MPP7: variants seen among roughly 807,000 people sequenced by gnomAD.
MPP7 encodes the protein MAGUK p55 subfamily member 7.
Under a neutral mutation model 76.5 loss-of-function variants are expected in MPP7, and 60 were observed. That is an observed-to-expected ratio of 0.78 (90% CI 0.64 to 0.97). The LOEUF is 0.97. Ranked by LOEUF, MPP7 falls within the 50% of genes least tolerant of loss-of-function variation. MPP7 has a pLI of 0.00. For missense variants in MPP7, 641 were observed against 694.0 expected (o/e 0.92, Z 0.86); for synonymous variants, 237 against 244.5 (o/e 0.97, Z 0.29).
intron 3 of MPP7, among the ~76,000 whole-genome samples, chr10:28,194,278 T>G (rs1408874408): frequency 6.6e-6 from 1 of 152,110 alleles, no homozygotes; most frequent in South Asian, 2.1e-4. Context: ...CCTCCCAAAG[T>G]GCTGGGATTA....
intron 11 of MPP7, among the ~76,000 whole-genome samples, chr10:28,099,791 G>C (rs1233393587): frequency 1.3e-5 from 2 of 150,996 alleles, no homozygotes; most frequent in Non-Finnish European, 2.9e-5. Flanking sequence ...TGGGCAACAA[G>C]AGTGAAACTC....
At chr10:28,121,153 A>G (rs1007812688) in intron 8 of MPP7, among the ~76,000 whole-genome samples, 3 of 152,134 alleles carry the variant, frequency 2.0e-5, no homozygotes. Flanking sequence ...AAAAAATTTT[A>G]AAAATTAGCC....
At chr10:28,205,784 G>A (rs756533729) in intron 2 of MPP7, among the ~76,000 whole-genome samples, 7 of 152,188 alleles carry the variant, frequency 4.6e-5, no homozygotes, top group Non-Finnish European at 1.0e-4. Flanking sequence ...AAACACTTGA[G>A]TTAGGTCTTT....
upstream of MPP7, among the ~76,000 whole-genome samples, chr10:28,307,292 C>G (rs1190919359): frequency 6.6e-6 from 1 of 152,126 alleles, no homozygotes; most frequent in Admixed American, 6.5e-5. Context: ...AGTTGGCTTC[C>G]AGACACCCAG....
rs553611500 is a variant in MPP7 at position 28,142,180 on chromosome 10, C to G, written c.315+5303G>C. Reference sequence around the variant, plus strand: ...TAAAGAAAAAGAATGCCAAATTCTACTATATAAAAGTACATATTTCTACCC... The same window carrying G: ...TAAAGAAAAAGAATGCCAAATTCTAGTATATAAAAGTACATATTTCTACCC... On this transcript the variant is annotated intron_variant, in intron 5 of 16. Coordinates refer to ENST00000683449, the MANE Select transcript of MPP7 (RefSeq NM_001318170.2). Among the ~76,000 whole-genome samples, 16 of 152,120 alleles carry G rather than the reference C, an allele frequency of 1.1e-4. No individual in the cohort carries two copies. The South Asian group carries it at 3.3e-3, about 32-fold the overall frequency.
chr10:28,308,916 A>G (rs1841273946), intron 2 of MPP7, among the ~76,000 whole-genome samples: 1 of 130,436 alleles, frequency 7.7e-6, no homozygotes, highest in Admixed American at 7.4e-5. Context: ...CACCAAGGAC[A>G]CGGACTAAGA....
chr10:28,225,974 T>C (rs1380519020), intron 2 of MPP7, among the ~76,000 whole-genome samples: 1 of 152,154 alleles, frequency 6.6e-6, no homozygotes, highest in Non-Finnish European at 1.5e-5. Context: ...AGCTAAAATA[T>C]GGAAACATCT....
rs889799364 is a variant in MPP7, at chr10:28,207,711, A to G, written c.38-5440T>C. ...CATCTCAAAAAGAAAAAAAAAAATG[A>G]AAAAAGAAAGAAAAAGAAAAGGCTA... On this transcript the variant is annotated intron_variant, in intron 2 of 16. Coordinates refer to ENST00000683449, the MANE Select transcript of MPP7 (RefSeq NM_001318170.2). 2.0e-5 allele frequency among the ~76,000 whole-genome samples: 3 copies of G among 151,908 alleles called. No homozygotes were observed. In the South Asian group the frequency reaches 6.2e-4, roughly 32 times the overall value.
intron 11 of MPP7, among the ~76,000 whole-genome samples, chr10:28,112,683 A>G (rs1834541851): frequency 6.6e-6 from 1 of 152,190 alleles, no homozygotes; most frequent in Non-Finnish European, 1.5e-5. Context: ...TTGAACAAAG[A>G]GGAAAAAATA....
intron 3 of MPP7, among the ~76,000 whole-genome samples, chr10:28,153,000 T>A (rs1020445766): frequency 2.0e-5 from 3 of 152,110 alleles, no homozygotes; most frequent in Non-Finnish European, 4.4e-5. Flanking sequence ...ATGCCTATAA[T>A]CCCAGCACTT....
At chr10:28,079,386 T>C (rs565418411) in intron 12 of MPP7, among the ~76,000 whole-genome samples, 1 of 150,292 alleles carries the variant, frequency 6.7e-6, no homozygotes, top group Admixed American at 6.6e-5. Context: ...GGTGCAGCAG[T>C]TTGCACCTGT....
At chr10:28,180,166 G>T (rs556897509) in intron 3 of MPP7, among the ~76,000 whole-genome samples, 19 of 152,300 alleles carry the variant, frequency 1.2e-4, no homozygotes, top group Middle Eastern at 3.4e-3. Context: ...AAAAATAATT[G>T]TGAAATGTAG....
chr10:28,080,067 G>C (rs1242885506), intron 12 of MPP7, among the ~76,000 whole-genome samples: 1 of 138,900 alleles, frequency 7.2e-6, no homozygotes, highest in East Asian at 2.3e-4. Context: ...TTGGGAGGGG[G>C]AGGGGGAGGG....
chr10:28,120,712 A>G (rs1834810047), intron 8 of MPP7, 44 bp from the exon 9 acceptor site: 1 of 1,470,738 alleles, frequency 6.8e-7, no homozygotes. Context: ...ACCAGACCCA[A>G]GGAAGAATAA....
chr10:28,275,110 C>CA (rs1418718358), intron 1 of MPP7, among the ~76,000 whole-genome samples: 2 of 152,150 alleles, frequency 1.3e-5, no homozygotes, highest in African/African-American at 4.8e-5. Context: ...AATTTGGCTG[C>CA]AATTATCACC....
At chr10:28,189,880 C>T (rs577444842) in intron 3 of MPP7, among the ~76,000 whole-genome samples, 1 of 152,014 alleles carries the variant, frequency 6.6e-6, no homozygotes, top group African/African-American at 2.4e-5. Context: ...AAAACAGAGA[C>T]TGTCAGAATG....
At chr10:28,250,404 G>GA (rs1035906918) in intron 1 of MPP7, among the ~76,000 whole-genome samples, 2 of 151,874 alleles carry the variant, frequency 1.3e-5, no homozygotes, top group African/African-American at 4.8e-5. Context: ...TTTTTTAGGG[G>GA]AAAAAAAGAA....
At chr10:28,079,668 T>C (rs1852668894) in intron 12 of MPP7, among the ~76,000 whole-genome samples, 1 of 151,924 alleles carries the variant, frequency 6.6e-6, no homozygotes, top group African/African-American at 2.4e-5. Flanking sequence ...TTAATGGCCA[T>C]GGTCTCAGGC....
At chr10:28,150,873 T>C (rs562933127) in intron 3 of MPP7, among the ~76,000 whole-genome samples, 3 of 152,170 alleles carry the variant, frequency 2.0e-5, no homozygotes, top group South Asian at 2.1e-4. Flanking sequence ...TAGCAGAAAG[T>C]TGAGAAACAA....
Sources: allele counts gnomAD v4.1 joint callset (sites outside exome capture counted in the v4.1 genomes callset), GRCh38; gene constraint gnomAD v4.1.1; transcripts MANE v1.5; gene names NCBI Gene and HGNC (gene_info 2026-07-23, HGNC 2026-07-21).